The following GPD2 variants were observed in gnomAD, a reference collection of about 807,000 sequenced individuals.
GPD2 encodes glycerol-3-phosphate dehydrogenase, mitochondrial.
A neutral mutation model predicts 82.4 loss-of-function variants in GPD2; 54 were observed. The observed-to-expected ratio is 0.66, with a 90% CI of 0.53 to 0.82. The LOEUF is 0.82. Ranked by LOEUF, GPD2 falls within the 40% of genes least tolerant of loss-of-function variation. GPD2 has a pLI of 0.00. For synonymous variants in GPD2, 288 were observed against 306.1 expected, an observed-to-expected ratio of 0.94 and a Z score of 0.62; for missense variants, 748 against 896.2, an observed-to-expected ratio of 0.83 and a Z score of 2.11.
In GPD2 at chr2:156,557,580, A is replaced by G; in HGVS notation, c.1163A>G (p.Glu388Gly). The G allele has an allele frequency of 6.5e-7, 1 of 1,529,638 alleles. No homozygotes were observed. The allele number at this position is 1,529,638 out of a possible 1,614,324, so 94.8% of individuals were successfully genotyped here. A position where few individuals can be genotyped will look rare whatever the true frequency, so the allele number is the denominator to read the frequency against. Residue 388 changes from glutamate (E) to glycine (G), a missense_variant and splice_region_variant, in exon 9 of 17, where the codon GAA becomes GGA. By Grantham distance (98) the Glu-to-Gly change is moderately conservative (BLOSUM62 -2). Coordinates refer to ENST00000438166, the MANE Select transcript of GPD2 (RefSeq NM_000408.5). ...EVRNYLSCDVEVRRGDVLAAW... is the reference protein window; with the variant it reads ...EVRNYLSCDVGVRRGDVLAAW... ...CGTAATTACCTGAGTTGTGATGTTG[A>G]AGGTAACTAAGCATTCCTTTAAGTT...
chr2:156,524,100 A>G (rs1310256317), intron 6 of GPD2, among the ~76,000 whole-genome samples: 1 of 152,184 alleles, frequency 6.6e-6, no homozygotes, highest in Non-Finnish European at 1.5e-5. Flanking sequence ...AATAGTGAAC[A>G]TTATACTCAA....
intron 6 of GPD2, among the ~76,000 whole-genome samples, chr2:156,547,315 C>T (rs1395738283): frequency 6.6e-6 from 1 of 152,086 alleles, no homozygotes; most frequent in African/African-American, 2.4e-5. Context: ...CTGCATCCCT[C>T]CAGGAGATGC....
At chr2:156,490,030 C>G (rs1292632815) in intron 2 of GPD2, among the ~76,000 whole-genome samples, 1 of 152,048 alleles carries the variant, frequency 6.6e-6, no homozygotes, top group East Asian at 1.9e-4. Context: ...CTAGAACCTC[C>G]AGATCAATCC....
intron 7 of GPD2, 108 bp from the exon 8 acceptor site, chr2:156,550,494 T>G (rs1171640557): frequency 9.3e-7 from 1 of 1,074,146 alleles, no homozygotes; most frequent in Non-Finnish European, 1.4e-6. Flanking sequence ...TAGTGTGGTA[T>G]GCAGTATACT....
chr2:156,409,247 A>G, the GPD2 span, among the ~76,000 whole-genome samples: 1 of 152,234 alleles, frequency 6.6e-6, no homozygotes, highest in African/African-American at 2.4e-5. Flanking sequence ...AAACTAATGC[A>G]TTAGGTTATC....
chr2:156,582,635 A>G (rs1040953651), intron 16 of GPD2, among the ~76,000 whole-genome samples, 158 bp from the exon 17 acceptor site: 1 of 152,042 alleles, frequency 6.6e-6, no homozygotes, highest in Non-Finnish European at 1.5e-5. Context: ...GGAAACGTTT[A>G]AAAATTAGAC....
chr2:156,535,011 T>C (rs1371889178), intron 6 of GPD2, among the ~76,000 whole-genome samples: 1 of 152,080 alleles, frequency 6.6e-6, no homozygotes, highest in Non-Finnish European at 1.5e-5. Context: ...GGGAGGAAGA[T>C]GACAGGGAAC....
At chr2:156,533,589 T>C (rs548892368) in intron 6 of GPD2, among the ~76,000 whole-genome samples, 3 of 152,324 alleles carry the variant, frequency 2.0e-5, no homozygotes, top group Non-Finnish European at 2.9e-5. Flanking sequence ...AAGAGAAAAC[T>C]TCCTGTCAAC....
At chr2:156,565,637 A>G (rs567278238) in intron 9 of GPD2, among the ~76,000 whole-genome samples, 1 of 152,244 alleles carries the variant, frequency 6.6e-6, no homozygotes, top group East Asian at 1.9e-4. Flanking sequence ...AACATCCTGT[A>G]GAGGTGATGG....
chr2:156,445,154 C>T (rs1682326304), intron 1 of GPD2, among the ~76,000 whole-genome samples: 1 of 152,118 alleles, frequency 6.6e-6, no homozygotes, highest in South Asian at 2.1e-4. Context: ...TAAGCAGTTG[C>T]CATTTTCTAG....
chr2:156,445,018 G>A (rs950642723), intron 1 of GPD2, among the ~76,000 whole-genome samples: 2 of 152,114 alleles, frequency 1.3e-5, no homozygotes, highest in African/African-American at 4.8e-5. Flanking sequence ...AGAAGTGCTG[G>A]GATTACAGGC....
chr2:156,484,841 A>G (rs765471030), intron 2 of GPD2, among the ~76,000 whole-genome samples: 1 of 152,194 alleles, frequency 6.6e-6, no homozygotes, highest in South Asian at 2.1e-4. Flanking sequence ...CTGCATCTCA[A>G]AACAAACAAA....
intron 2 of GPD2, among the ~76,000 whole-genome samples, chr2:156,479,844 C>T (rs377518034): frequency 1.1e-4 from 17 of 152,204 alleles, no homozygotes; most frequent in African/African-American, 3.9e-4. Context: ...CACCCATAAG[C>T]AGGTGACAGT....
At chr2:156,479,729 A>T (rs1337149532) in intron 2 of GPD2, among the ~76,000 whole-genome samples, 1 of 152,174 alleles carries the variant, frequency 6.6e-6, no homozygotes, top group African/African-American at 2.4e-5. Context: ...GTGGCCACAG[A>T]TAACATCCAC....
At chr2:156,428,973 C>T in the GPD2 span, among the ~76,000 whole-genome samples, 4 of 152,170 alleles carry the variant, frequency 2.6e-5, no homozygotes, top group Non-Finnish European at 5.9e-5. Context: ...TAGGTCAATG[C>T]CTACATGTTT....
intron 6 of GPD2, among the ~76,000 whole-genome samples, chr2:156,517,903 A>G (rs1685257265): frequency 6.6e-6 from 1 of 152,230 alleles, no homozygotes; most frequent in Non-Finnish European, 1.5e-5. Context: ...AAGCCATTAT[A>G]AAATGAAACT....
At chr2:156,512,667 T>A (rs1007582945) in intron 5 of GPD2, among the ~76,000 whole-genome samples, 4 of 152,226 alleles carry the variant, frequency 2.6e-5, no homozygotes, top group Non-Finnish European at 5.9e-5. Context: ...TAAAGTATCC[T>A]GTTATAAAAT....
At chr2:156,553,641 C>T (rs2105340230) in intron 8 of GPD2, among the ~76,000 whole-genome samples, 1 of 152,218 alleles carries the variant, frequency 6.6e-6, no homozygotes, top group East Asian at 1.9e-4. Context: ...TAATTAATAA[C>T]CTCTTCTTCC....
At chr2:156,410,666 G>T in the GPD2 span, among the ~76,000 whole-genome samples, 1 of 152,212 alleles carries the variant, frequency 6.6e-6, no homozygotes, top group South Asian at 2.1e-4. Context: ...GTTTAACTTT[G>T]GTTGAACCAT....
Sources: gnomAD v4.1 joint callset for allele counts (sites outside exome capture counted in the v4.1 genomes callset) on GRCh38, gnomAD v4.1.1 for gene constraint, MANE v1.5 for transcripts, NCBI Gene and HGNC (gene_info 2026-07-23, HGNC 2026-07-21) for gene names.